GRIN2A: variants seen among roughly 807,000 people sequenced by gnomAD.
GRIN2A encodes glutamate receptor ionotropic, NMDA 2A.
A neutral mutation model predicts 113.4 loss-of-function variants in GRIN2A; 22 were observed. The observed-to-expected ratio is 0.19, with a 90% confidence interval of 0.14 to 0.28. The LOEUF (loss-of-function observed/expected upper bound fraction) is 0.28, where lower values mean the gene tolerates loss of function less well. GRIN2A is among the 10% of genes least tolerant of loss of function. The pLI, the probability that GRIN2A is intolerant of heterozygous loss-of-function variation, is 1.00. For synonymous variants in GRIN2A, 827 were observed against 738.4 expected, an observed-to-expected ratio of 1.12 and a Z score of -1.94; for missense variants, 1,502 against 1,887.0, an observed-to-expected ratio of 0.80 and a Z score of 3.78.
chr16:9,794,375 ACT>A (rs1342112486), intron 11 of GRIN2A, among the ~76,000 whole-genome samples: 1 of 152,152 alleles, frequency 6.6e-6, no homozygotes, highest in Non-Finnish European at 1.5e-5. Flanking sequence ...AGAGATAAAC[ACT>A]CCATTCTAGA....
intron 2 of GRIN2A, chr16:10,112,071 G>A: frequency 3.3e-6 from 2 of 611,364 alleles, no homozygotes; most frequent in Non-Finnish European, 6.0e-6. Context: ...GAAGAATCGA[G>A]ACTACATTCT....
chr16:9,969,416 T>C (rs373892148), intron 2 of GRIN2A, among the ~76,000 whole-genome samples: 4 of 152,344 alleles, frequency 2.6e-5, no homozygotes, highest in South Asian at 4.1e-4. Flanking sequence ...GCATCCATTG[T>C]TCCTCACTGG....
At chr16:9,966,606 T>G (rs1265225239) in intron 2 of GRIN2A, among the ~76,000 whole-genome samples, 1 of 152,198 alleles carries the variant, frequency 6.6e-6, no homozygotes, top group Non-Finnish European at 1.5e-5. Flanking sequence ...GTCCTTATAA[T>G]AGAACGATCT....
At chr16:10,057,879 G>A (rs2047481823) in intron 2 of GRIN2A, among the ~76,000 whole-genome samples, 1 of 152,212 alleles carries the variant, frequency 6.6e-6, no homozygotes, top group Non-Finnish European at 1.5e-5. Flanking sequence ...AAGAGATCTT[G>A]ACTTTTATGT....
At chr16:9,888,414 T>A (rs2043628143) in intron 4 of GRIN2A, among the ~76,000 whole-genome samples, 3 of 152,094 alleles carry the variant, frequency 2.0e-5, no homozygotes, top group African/African-American at 4.8e-5. Flanking sequence ...CTTTCACATT[T>A]AAGCCTGTAA....
At chr16:9,968,660 T>G (rs546128308) in intron 2 of GRIN2A, among the ~76,000 whole-genome samples, 8 of 152,112 alleles carry the variant, frequency 5.3e-5, no homozygotes, top group East Asian at 1.9e-4. Flanking sequence ...CAGGCGGGAG[T>G]GCGGTGGCGT....
intron 5 of GRIN2A, among the ~76,000 whole-genome samples, chr16:9,846,436 C>T (rs9926303): frequency 0.36 from 55,271 of 152,052 alleles, 11,519 homozygotes; most frequent in African/African-American, 0.58. Context: ...ATTTAGCAAT[C>T]ACATATTATA....
intron 2 of GRIN2A, among the ~76,000 whole-genome samples, chr16:10,069,792 A>G (rs2047715979): frequency 6.6e-6 from 1 of 152,256 alleles, no homozygotes; most frequent in African/African-American, 2.4e-5. Context: ...TCATACAGCC[A>G]TACAGGGTCC....
rs1359267810 is a variant in GRIN2A at position 9,798,474 on chromosome 16, C to T, written c.2169-10G>A. The T allele has an allele frequency of 1.2e-6, 2 of 1,613,576 alleles. No individual in the cohort carries two copies. The highest frequency in any genetic ancestry group is 1.1e-5 in the South Asian group (1 of 91,070). On this transcript the variant is annotated splice_polypyrimidine_tract_variant and intron_variant, in intron 10 of 12. Coordinates refer to ENST00000330684, the MANE Select transcript of GRIN2A (RefSeq NM_001134407.3). ...GAAAGCGTCCAGCTTCCTGAAATGA[C>T]AAGAAACCAGGGGGTCATAGGGGTG...
At chr16:10,154,950 C>A (rs1239258487) in intron 2 of GRIN2A, among the ~76,000 whole-genome samples, 3 of 152,194 alleles carry the variant, frequency 2.0e-5, no homozygotes, top group Non-Finnish European at 4.4e-5. Context: ...GTCTTCTGAT[C>A]AAATAGATTT....
intron 2 of GRIN2A, among the ~76,000 whole-genome samples, chr16:10,058,350 A>G (rs1304994872): frequency 6.6e-6 from 1 of 152,198 alleles, no homozygotes; most frequent in African/African-American, 2.4e-5. Context: ...AAAACAAATT[A>G]TATCAAAATA....
At chr16:9,934,686 A>T (rs1261977836) in intron 3 of GRIN2A, among the ~76,000 whole-genome samples, 3 of 149,826 alleles carry the variant, frequency 2.0e-5, no homozygotes, top group Non-Finnish European at 4.4e-5. Flanking sequence ...TCTAAAAAAA[A>T]AAAAAAAAAA....
intron 2 of GRIN2A, among the ~76,000 whole-genome samples, chr16:10,062,349 G>A (rs1379747456): frequency 6.6e-6 from 1 of 152,176 alleles, no homozygotes; most frequent in Non-Finnish European, 1.5e-5. Flanking sequence ...ATAGCTAGCT[G>A]GATTTGACCT....
At chr16:9,877,222 A>G (rs1238824160) in intron 4 of GRIN2A, among the ~76,000 whole-genome samples, 1 of 152,234 alleles carries the variant, frequency 6.6e-6, no homozygotes, top group Non-Finnish European at 1.5e-5. Flanking sequence ...CTAAAGTGAA[A>G]TAATAAGTAC....
At chr16:10,042,343 G>A (rs1464583984) in intron 2 of GRIN2A, among the ~76,000 whole-genome samples, 1 of 152,076 alleles carries the variant, frequency 6.6e-6, no homozygotes, top group East Asian at 1.9e-4. Flanking sequence ...CACTCACTCT[G>A]AGGAAGTTGG....
At chr16:10,064,570 C>G (rs947481554) in intron 2 of GRIN2A, among the ~76,000 whole-genome samples, 7 of 152,212 alleles carry the variant, frequency 4.6e-5, no homozygotes, top group Non-Finnish European at 8.8e-5. Flanking sequence ...TGATCCAGGT[C>G]TCCTTGATAA....
intron 11 of GRIN2A, among the ~76,000 whole-genome samples, chr16:9,791,485 A>T (rs1023274770): frequency 2.0e-5 from 3 of 152,172 alleles, no homozygotes; most frequent in African/African-American, 7.2e-5. Context: ...CCCTAAGAAG[A>T]CTGGCTGTGA....
At chr16:9,871,774 C>T (rs1385373973) in intron 4 of GRIN2A, among the ~76,000 whole-genome samples, 1 of 152,056 alleles carries the variant, frequency 6.6e-6, no homozygotes, top group Non-Finnish European at 1.5e-5. Context: ...AGTTTAAAAA[C>T]TATTAGGCAC....
At chr16:9,912,420 C>T (rs2141554872) in intron 3 of GRIN2A, among the ~76,000 whole-genome samples, 1 of 146,958 alleles carries the variant, frequency 6.8e-6, no homozygotes, top group Non-Finnish European at 1.5e-5. Flanking sequence ...CAGAACGTAG[C>T]CCCTGATGAA....
Sources: gnomAD v4.1 joint callset for allele counts (sites outside exome capture counted in the v4.1 genomes callset) on GRCh38, gnomAD v4.1.1 for gene constraint, MANE v1.5 for transcripts, NCBI Gene and HGNC (gene_info 2026-07-23, HGNC 2026-07-21) for gene names.